Variants in SMG1 observed in about 807,000 individuals in gnomAD.
SMG1 encodes the protein SMG1 nonsense mediated mRNA decay associated PI3K related kinase, also known as serine/threonine-protein kinase SMG1.
In SMG1, 22 loss-of-function variants were observed where a neutral mutation model predicts 419.9. The observed-to-expected ratio is 0.05, with a 90% CI of 0.04 to 0.07. The LOEUF (loss-of-function observed/expected upper bound fraction) is 0.07, where lower values mean the gene tolerates loss of function less well. Among genes scored for constraint, SMG1 ranks in the 10% least tolerant of loss-of-function variants. The probability of loss-of-function intolerance (pLI) is 1.00; values close to 1 mark genes in which losing one functional copy is unlikely to be tolerated. For missense variants in SMG1, 3,185 were observed against 4,342.0 expected (o/e 0.73, Z 7.49); for synonymous variants, 1,538 against 1,553.5 (o/e 0.99, Z 0.23).
chr16:18,904,338 C>CA (rs998321140), intron 1 of SMG1, among the ~76,000 whole-genome samples: 5 of 150,662 alleles, frequency 3.3e-5, no homozygotes, highest in African/African-American at 7.3e-5. Flanking sequence ...AAACAAAAAA[C>CA]AAAAAACAAA....
intron 62 of SMG1, among the ~76,000 whole-genome samples, chr16:18,810,561 A>C (rs190652805): frequency 6.6e-6 from 1 of 152,154 alleles, no homozygotes; most frequent in African/African-American, 2.4e-5. Context: ...AGACTTATGG[A>C]TTTATTGGGA....
Position 18,835,132 on chromosome 16 carries a change from G to T in SMG1, c.8090C>A (p.Pro2697Gln). The T allele has an allele frequency of 3.1e-6, 5 of 1,612,308 alleles. No individual in the cohort carries two copies. Among genetic ancestry groups the T allele is most frequent in the Non-Finnish European group, 3.4e-6 (4 of 1,178,470 alleles). The change falls in exon 49 of 63, where the codon CCA (proline) becomes CAA (glutamine). Residue 2697 changes from proline to glutamine, a missense_variant. Physicochemically the swap from Pro to Gln is moderately conservative, Grantham distance 76. Coordinates refer to ENST00000446231, the MANE Select transcript of SMG1 (RefSeq NM_015092.5). The stretch of plus-strand genomic sequence containing the variant: ...GGCAGTGATGAACTGACACACTGTT[G>T]GGGGTGGCTGGGGAGCATATTGCAT... The part of the protein sequence containing the change: ...YEMQYAPQPP[P>Q]TVCQFITATE...
At chr16:18,834,044 AAC>A (rs1437982274) in intron 50 of SMG1, among the ~76,000 whole-genome samples, 158 bp downstream of exon 50, 1 of 152,228 alleles carries the variant, frequency 6.6e-6, no homozygotes, top group Non-Finnish European at 1.5e-5. Context: ...GAGCAACTGT[AAC>A]CAAGTTATAG....
Position 18,842,315 on chromosome 16 carries a change from G to A in SMG1, c.6359C>T (p.Thr2120Ile). ...GATGGTTCCGCCCACACTATGGATT[G>A]TGACAGTGTCTCTGGCTGAGACTTC... ...PGEVSARDTV[T>I]IHSVGGTITI... Residue 2120 changes from threonine (T) to isoleucine (I), a missense_variant, in exon 40 of 63, where the codon ACA becomes ATA. Transcript: ENST00000446231. 1.9e-6 allele frequency: 3 copies of A among 1,614,014 alleles called. No homozygotes were observed. Among genetic ancestry groups the A allele is most frequent in the Non-Finnish European group, 2.5e-6 (3 of 1,179,878 alleles).
intron 38 of SMG1, among the ~76,000 whole-genome samples, chr16:18,846,118 ATTTT>A (rs1222443186): frequency 6.6e-6 from 1 of 152,022 alleles, no homozygotes; most frequent in Non-Finnish European, 1.5e-5. Context: ...CCAGCCAAGA[ATTTT>A]TTGTTTTTTA....
chr16:18,874,903 C>CTTT (rs373817069), intron 13 of SMG1, among the ~76,000 whole-genome samples: 29 of 94,574 alleles, frequency 3.1e-4, no homozygotes, highest in East Asian at 2.5e-3. Context: ...AAAAAAAAGC[C>CTTT]TTTTTTTTTT....
chr16:18,924,904 C>T (rs1019045250), intron 1 of SMG1: 2 of 152,186 alleles, frequency 1.3e-5, no homozygotes, highest in African/African-American at 4.8e-5. Flanking sequence ...ATGTAACTAT[C>T]AGGAAACAAA....
chr16:18,850,467 C>T lies in SMG1; in HGVS notation c.5053G>A (p.Asp1685Asn). 3.1e-6 allele frequency: 5 copies of T among 1,592,786 alleles called. No homozygotes were observed. Among genetic ancestry groups the T allele is most frequent in the Non-Finnish European group, 4.3e-6 (5 of 1,163,952 alleles). Residue 1685 changes from aspartate to asparagine, a missense_variant and splice_region_variant, in exon 34 of 63, where the codon GAT (aspartate) becomes AAT (asparagine). Transcript: ENST00000446231. Reference sequence around the variant, plus strand: ...GTTATCTGAAGTGTTATATCTTCATCCTGAAGAAAAATTGTGCACAAAATG... The same window carrying T: ...GTTATCTGAAGTGTTATATCTTCATTCTGAAGAAAAATTGTGCACAAAATG... ...QAVCRPAGIQ[D>N]EDITLQITES...
At chr16:18,888,516 C>T (rs1439021221) in intron 6 of SMG1, among the ~76,000 whole-genome samples, 1 of 151,156 alleles carries the variant, frequency 6.6e-6, no homozygotes, top group Non-Finnish European at 1.5e-5. Context: ...GGCTCTGTTG[C>T]CCAGGCAATG....
chr16:18,900,988 G>C (rs2141881272), intron 1 of SMG1, among the ~76,000 whole-genome samples: 1 of 152,200 alleles, frequency 6.6e-6, no homozygotes, highest in East Asian at 1.9e-4. Flanking sequence ...CTAAATATGA[G>C]TCTATGGCTA....
At position 18,868,196 on chromosome 16, in the gene SMG1, T is replaced by G. The variant is rs1229336476; in HGVS notation, c.3189A>C (p.Leu1063=). The G allele has an allele frequency of 1.3e-6, 2 of 1,577,328 alleles. No homozygotes were observed. The highest frequency in any genetic ancestry group is 1.7e-6 in the Non-Finnish European group (2 of 1,169,556). ...TTCAAACACACCACATTACCTGAGATAGGCTGGTTGTTTTCATCTCTGTAA... is the reference window on the plus strand; with the variant it reads ...TTCAAACACACCACATTACCTGAGAGAGGCTGGTTGTTTTCATCTCTGTAA... ...DLLTEMKTTS[L]SQGNELEVTI... The change falls in exon 22 of 63, where the codon CTA becomes CTC. Residue 1063 remains leucine (L), a synonymous_variant. Transcript: ENST00000446231.
intron 5 of SMG1, among the ~76,000 whole-genome samples, chr16:18,890,234 A>G (rs2036816771): frequency 6.6e-6 from 1 of 152,222 alleles, no homozygotes; most frequent in Admixed American, 6.5e-5. Context: ...GCAGTTTCAA[A>G]TTCTCTAGTT....
chr16:18,854,322 A>C (rs2034778155), intron 30 of SMG1, among the ~76,000 whole-genome samples: 1 of 151,922 alleles, frequency 6.6e-6, no homozygotes. Flanking sequence ...TCCTAAGCTC[A>C]AACAATCCTC....
rs1480083286 is a variant in SMG1, at chr16:18,850,103, A to G, written c.5307T>C (p.Pro1769=). 4 of 1,613,782 alleles carry G rather than the reference A, an allele frequency of 2.5e-6. No homozygotes were observed. The highest frequency in any genetic ancestry group is 1.1e-5 in the South Asian group (1 of 91,058). The change falls in exon 35 of 63, where the codon CCT becomes CCC. Residue 1769 remains proline (P), a synonymous_variant. Transcript: ENST00000446231. ...CCACTCTGTGACTTAAATGCAGCCT[A>G]GGGTCATCCTCATCTAAAGGAATCT... The part of the protein sequence containing the change: ...AGQIPLDEDD[P]RLHLSHRVEQ...
chr16:18,897,692 G>A (rs1386417184), intron 1 of SMG1, among the ~76,000 whole-genome samples: 1 of 152,126 alleles, frequency 6.6e-6, no homozygotes, highest in Non-Finnish European at 1.5e-5. Context: ...GGGTAAAAGT[G>A]TGTCCTCATC....
chr16:18,904,951 T>C (rs1440414171), intron 1 of SMG1, among the ~76,000 whole-genome samples: 8 of 146,882 alleles, frequency 5.4e-5, no homozygotes, highest in Non-Finnish European at 1.2e-4. Flanking sequence ...ATAATAATAA[T>C]AAAATAAATC....
intron 23 of SMG1, among the ~76,000 whole-genome samples, chr16:18,865,105 TATAA>T (rs2035429576): frequency 6.6e-6 from 1 of 152,110 alleles, no homozygotes; most frequent in African/African-American, 2.4e-5. Context: ...AAAAACAAAT[TATAA>T]ATCAAGAAAT....
intron 1 of SMG1, 120 bp from the exon 2 acceptor site, chr16:18,897,076 C>T (rs1596620397): frequency 1.5e-6 from 1 of 654,462 alleles, no homozygotes; most frequent in Non-Finnish European, 2.6e-6. Context: ...GTAATATGTA[C>T]TATATATTAT....
chr16:18,872,856 TAAG>T (rs990809410), intron 13 of SMG1, among the ~76,000 whole-genome samples: 1 of 152,106 alleles, frequency 6.6e-6, no homozygotes, highest in Non-Finnish European at 1.5e-5. Flanking sequence ...ATCGCTACAG[TAAG>T]AAAACAGCCA....
Sources: allele counts gnomAD v4.1 joint callset (sites outside exome capture counted in the v4.1 genomes callset), GRCh38; gene constraint gnomAD v4.1.1; transcripts MANE v1.5; gene names NCBI Gene and HGNC (gene_info 2026-07-23, HGNC 2026-07-21).